The following SLC26A7 variants were observed in gnomAD, a reference collection of about 807,000 sequenced individuals.
The protein encoded by SLC26A7 is anion exchange transporter.
Under a neutral mutation model 82.5 loss-of-function variants are expected in SLC26A7, and 59 were observed. That is an observed-to-expected ratio of 0.72 (90% CI 0.58 to 0.89). The LOEUF (loss-of-function observed/expected upper bound fraction) is 0.89, where lower values mean the gene tolerates loss of function less well. Among genes scored for constraint, SLC26A7 ranks in the 40% least tolerant of loss-of-function variants. SLC26A7 has a pLI of 0.00. For synonymous variants in SLC26A7, 271 were observed against 274.3 expected (o/e 0.99, Z 0.12); for missense variants, 820 against 793.0 (o/e 1.03, Z -0.41).
intron 2 of SLC26A7, among the ~76,000 whole-genome samples, chr8:91,263,966 AT>A (rs150971835): frequency 0.064 from 9,636 of 151,130 alleles, 368 homozygotes; most frequent in African/African-American, 0.098. Context: ...TTATCATTCC[AT>A]TTTTTTTTAA....
chr8:91,353,076 C>A, intron 11 of SLC26A7, 80 bp downstream of exon 11: 1 of 922,246 alleles, frequency 1.1e-6, no homozygotes. Context: ...CTTTTATTTG[C>A]AGAAAATAGA....
intron 3 of SLC26A7, among the ~76,000 whole-genome samples, chr8:91,289,984 C>T (rs527785362): frequency 3.9e-5 from 6 of 152,170 alleles, no homozygotes; most frequent in Non-Finnish European, 7.4e-5. Flanking sequence ...TTGCTGCTTT[C>T]TTGATAGCAA....
chr8:91,262,412 T>A (rs1285544124), intron 2 of SLC26A7, among the ~76,000 whole-genome samples: 1 of 151,976 alleles, frequency 6.6e-6, no homozygotes, highest in Non-Finnish European at 1.5e-5. Flanking sequence ...CCAACAGCAA[T>A]GATAGATCTG....
intron 2 of SLC26A7, among the ~76,000 whole-genome samples, chr8:91,283,580 C>T (rs1458315291): frequency 6.6e-6 from 1 of 152,158 alleles, no homozygotes; most frequent in African/African-American, 2.4e-5. Flanking sequence ...ATAACTCTTA[C>T]TCTTTCTCTT....
At chr8:91,374,379 A>C (rs1444287932) in intron 15 of SLC26A7, among the ~76,000 whole-genome samples, 1 of 138,082 alleles carries the variant, frequency 7.2e-6, no homozygotes, top group Non-Finnish European at 1.6e-5. Context: ...CTTACCTCTT[A>C]ACACTGTTTT....
upstream of SLC26A7, among the ~76,000 whole-genome samples, chr8:91,246,138 T>C (rs182681978): frequency 6.6e-6 from 1 of 152,336 alleles, no homozygotes; most frequent in African/African-American, 2.4e-5. Flanking sequence ...GGTTATCTGA[T>C]TTTTTAAGAG....
upstream of SLC26A7, among the ~76,000 whole-genome samples, chr8:91,246,410 C>T (rs1456450340): frequency 1.3e-5 from 2 of 152,158 alleles, no homozygotes; most frequent in Non-Finnish European, 1.5e-5. Context: ...CAGCTCTATA[C>T]ACACAAATAC....
upstream of SLC26A7, among the ~76,000 whole-genome samples, chr8:91,248,234 C>G (rs1367162641): frequency 6.6e-6 from 1 of 152,044 alleles, no homozygotes; most frequent in African/African-American, 2.4e-5. Context: ...AATTCCCCCC[C>G]ACCCCGCTGC....
chr8:91,372,775 T>C (rs1814402207), intron 15 of SLC26A7, among the ~76,000 whole-genome samples: 1 of 151,800 alleles, frequency 6.6e-6, no homozygotes, highest in African/African-American at 2.4e-5. Flanking sequence ...AAAAGTGATA[T>C]AATGTGTTAG....
At chr8:91,264,906 A>G (rs1008352043) in intron 2 of SLC26A7, among the ~76,000 whole-genome samples, 1 of 151,988 alleles carries the variant, frequency 6.6e-6, no homozygotes, top group Non-Finnish European at 1.5e-5. Flanking sequence ...AACTTTCAGA[A>G]TCTTCTTTTC....
chr8:91,316,860 G>A (rs990571540), intron 4 of SLC26A7, among the ~76,000 whole-genome samples: 22 of 151,454 alleles, frequency 1.5e-4, no homozygotes, highest in African/African-American at 3.4e-4. Context: ...TGAAGTATCA[G>A]GAGTTAGAAG....
At chr8:91,285,309 T>TTCA (rs10634909) in intron 2 of SLC26A7, among the ~76,000 whole-genome samples, 104,688 of 151,896 alleles carry the variant, frequency 0.69, 36,653 homozygotes, top group Non-Finnish European at 0.76. Flanking sequence ...TTCACATGCC[T>TTCA]TCATCACATG....
chr8:91,259,367 C>T (rs1810897816), intron 2 of SLC26A7, among the ~76,000 whole-genome samples: 1 of 152,092 alleles, frequency 6.6e-6, no homozygotes, highest in Non-Finnish European at 1.5e-5. Context: ...TTATTCTGCT[C>T]AGCTCTAGAA....
chr8:91,266,060 G>A lies in SLC26A7; in HGVS notation c.193+16216G>A, dbSNP rs181604858. On this transcript the variant is annotated intron_variant, in intron 2 of 18. Coordinates refer to ENST00000276609, the MANE Select transcript of SLC26A7 (RefSeq NM_052832.4). ...ATTTATGATTTTTTTTAGTGGTTAC[G>A]TAGTTTTGGGTATTACATTTAAGTC... Among the ~76,000 whole-genome samples, 198 of 151,830 alleles carry A rather than the reference G, an allele frequency of 1.3e-3. 3 individuals carry two copies. Among genetic ancestry groups the A allele is most frequent in the African/African-American group, 1.0e-3 (43 of 41,474 alleles).
intron 15 of SLC26A7, among the ~76,000 whole-genome samples, chr8:91,372,059 C>A (rs1814378277): frequency 6.6e-6 from 1 of 151,852 alleles, no homozygotes; most frequent in African/African-American, 2.4e-5. Context: ...TGTTAATGTC[C>A]TTTGCTCACT....
At chr8:91,264,833 T>A (rs1422780782) in intron 2 of SLC26A7, among the ~76,000 whole-genome samples, 1 of 152,098 alleles carries the variant, frequency 6.6e-6, no homozygotes. Flanking sequence ...CATTGAATAA[T>A]GATCAAATCA....
chr8:91,215,957 C>T (rs1019608951), intron 1 of SLC26A7, among the ~76,000 whole-genome samples: 2 of 151,944 alleles, frequency 1.3e-5, no homozygotes, highest in Admixed American at 6.6e-5. Context: ...TAAGGTGGTA[C>T]GAGAATTTCA....
chr8:91,215,179 A>G (rs570807644), intron 1 of SLC26A7, among the ~76,000 whole-genome samples: 1 of 152,116 alleles, frequency 6.6e-6, no homozygotes, highest in Admixed American at 6.6e-5. Flanking sequence ...GTGAGGTGAC[A>G]TGCATATTCA....
At chr8:91,240,809 C>T (rs1810463248) in intron 2 of SLC26A7, among the ~76,000 whole-genome samples, 1 of 152,016 alleles carries the variant, frequency 6.6e-6, no homozygotes. Flanking sequence ...CATGAATGCT[C>T]TAAATTCTTG....
Sources: gnomAD v4.1 joint callset for allele counts (sites outside exome capture counted in the v4.1 genomes callset) on GRCh38, gnomAD v4.1.1 for gene constraint, MANE v1.5 for transcripts, NCBI Gene and HGNC (gene_info 2026-07-23, HGNC 2026-07-21) for gene names.